The following ENOSF1 variants were observed in gnomAD, a reference collection of about 807,000 sequenced individuals.
The protein encoded by ENOSF1 is mitochondrial enolase superfamily member 1.
In ENOSF1, 73 loss-of-function variants were observed where a neutral mutation model predicts 68.2. The ratio of observed to expected loss-of-function variants is 1.07; its 90% CI spans 0.89 to 1.30. The LOEUF (loss-of-function observed/expected upper bound fraction) is 1.30. Ranked by LOEUF, ENOSF1 falls within the 50% of genes most tolerant of loss-of-function variation. The pLI is 0.00. For synonymous variants in ENOSF1, 223 were observed against 210.4 expected, an observed-to-expected ratio of 1.06 and a Z score of -0.52; for missense variants, 589 against 554.5, an observed-to-expected ratio of 1.06 and a Z score of -0.62.
Position 679,168 on chromosome 18 carries a change from T to C in ENOSF1, c.877-431A>G, listed in dbSNP as rs189390724. Among the ~76,000 whole-genome samples, 115 of 152,056 alleles carry C rather than the reference T, an allele frequency of 7.6e-4. 1 individual carries two copies. The Middle Eastern group carries it at 0.017, about 23-fold the overall frequency. ...CATCACTCCATCAATTCCCTTCTTC[T>C]TGCCTCCCTGAGAAACCTCCTTCTA... On this transcript the variant is annotated intron_variant, in intron 11 of 15. Coordinates refer to ENST00000647584, the MANE Select transcript of ENOSF1 (RefSeq NM_017512.7).
At chr18:708,317 T>C (rs2079154746) in intron 1 of ENOSF1, among the ~76,000 whole-genome samples, 1 of 152,064 alleles carries the variant, frequency 6.6e-6, no homozygotes, top group Non-Finnish European at 1.5e-5. Context: ...GTGTCAGAGC[T>C]GGTGCAGCTT....
chr18:678,706 G>A lies in ENOSF1; in HGVS notation c.908C>T (p.Thr303Ile). 4 of 1,614,126 alleles carry A rather than the reference G, an allele frequency of 2.5e-6. No homozygotes were observed. The highest frequency in any genetic ancestry group is 3.4e-6 in the Non-Finnish European group (4 of 1,180,016). Residue 303 changes from threonine (T) to isoleucine (I), a missense_variant, in exon 12 of 16, where the codon ACA becomes ATA. Transcript: ENST00000647584. Reference sequence around the variant, plus strand: ...GGGGGCGTCACTCACCTGTTCTCCTGTGGCAATGCCAATTCCTAATGGGAC... The same window carrying A: ...GGGGGCGTCACTCACCTGTTCTCCTATGGCAATGCCAATTCCTAATGGGAC... ...ALVPLGIGIA[T>I]GEQCHNRVIF...
At position 675,321 on chromosome 18, in the gene ENOSF1, C is replaced by A; in HGVS notation, c.1230G>T (p.Lys410Asn). The change falls in exon 15 of 16, where the codon AAG becomes AAT. Residue 410 changes from lysine (K) to asparagine (N), a missense_variant and splice_region_variant. By Grantham distance (94) the Lys-to-Asn change is moderately conservative. Transcript: ENST00000647584. ...MIQRASYMPP[K>N]DPGYSTEMKE... ...CAGGGGCCCTCAGGCCACAGCTTAC[C>A]TTGGGAGGCATGTAGGAAGCCCGCT... 6.2e-7 allele frequency: 1 copy of A among 1,610,322 alleles called. No homozygotes were observed.
Position 683,295 on chromosome 18 carries a change from T to G in ENOSF1, c.827A>C (p.Glu276Ala). Reference sequence around the variant, plus strand: ...AATGTCATCAGGGGAGGTTGGCTCCTCAATCCACAATGGCTTGAACTTGGC... The same window carrying G: ...AATGTCATCAGGGGAGGTTGGCTCCGCAATCCACAATGGCTTGAACTTGGC... ...KLAKFKPLWI[E>A]EPTSPDDILG... Residue 276 changes from glutamate to alanine, a missense_variant, in exon 11 of 16, where the codon GAG becomes GCG. Transcript: ENST00000647584. 6.2e-7 allele frequency: 1 copy of G among 1,614,114 alleles called. No homozygotes were observed. Among genetic ancestry groups the G allele is most frequent in the Non-Finnish European group, 8.5e-7 (1 of 1,180,014 alleles).
chr18:705,063 C>T (rs2078791676), intron 2 of ENOSF1, among the ~76,000 whole-genome samples: 1 of 152,142 alleles, frequency 6.6e-6, no homozygotes, highest in South Asian at 2.1e-4. Context: ...AGGAAGGTTC[C>T]CTTGCCATTC....
intron 1 of ENOSF1, among the ~76,000 whole-genome samples, chr18:710,701 G>A (rs1368741364): frequency 1.3e-5 from 2 of 152,182 alleles, no homozygotes; most frequent in Non-Finnish European, 2.9e-5. Flanking sequence ...GGCCTTCTCT[G>A]AGCCAGGCTC....
chr18:683,426 T>C, intron 10 of ENOSF1, 46 bp from the exon 11 acceptor site: 1 of 1,606,512 alleles, frequency 6.2e-7, no homozygotes. Flanking sequence ...TGAGCCAACC[T>C]CACAGCAGGG....
chr18:667,089 T>A (rs201457811), downstream of ENOSF1, among the ~76,000 whole-genome samples: 3 of 50,172 alleles, frequency 6.0e-5, no homozygotes, highest in Non-Finnish European at 6.9e-5. Flanking sequence ...ATGGTGATGG[T>A]GATGGAGATG....
chr18:701,714 G>A (rs1464227970), intron 2 of ENOSF1, among the ~76,000 whole-genome samples: 3 of 148,722 alleles, frequency 2.0e-5, no homozygotes, highest in South Asian at 2.1e-4. Context: ...CTGAGATCGC[G>A]CCACTGTACT....
In ENOSF1 at chr18:670,387, CAG is replaced by C. The variant is rs1456965663; in HGVS notation, c.*3916_*3917del. On this transcript the variant is annotated 3_prime_UTR_variant, in exon 16 of 16. Transcript: ENST00000647584. Reference sequence around the variant, plus strand: ...AGAAGCACCAGTTTCCTGTGGCAAACAGAATTATTCCTGCTGTATTTGTAATC... The same window carrying C: ...AGAAGCACCAGTTTCCTGTGGCAAACAATTATTCCTGCTGTATTTGTAATC... 3.8e-5 allele frequency: 10 copies of C among 261,662 alleles called. No individual in the cohort carries two copies. The highest frequency in any genetic ancestry group is 5.8e-5 in the Non-Finnish European group (8 of 137,460). 16.2% of individuals were successfully genotyped at this position (261,662 alleles called of 1,614,324 possible). A position where few individuals can be genotyped will look rare whatever the true frequency, so the allele number is the denominator to read the frequency against.
chr18:690,250 G>A (rs1454780487), intron 8 of ENOSF1, among the ~76,000 whole-genome samples: 1 of 151,000 alleles, frequency 6.6e-6, no homozygotes, highest in Non-Finnish European at 1.5e-5. Context: ...CCAGTCAGAA[G>A]CACAGGTGAC....
chr18:689,547 G>A (rs2076945407), intron 8 of ENOSF1, among the ~76,000 whole-genome samples: 1 of 152,178 alleles, frequency 6.6e-6, no homozygotes, highest in Non-Finnish European at 1.5e-5. Context: ...CTCCCAAAAT[G>A]CTAGGATTAT....
chr18:694,808 T>TTC (rs145085795), intron 3 of ENOSF1, among the ~76,000 whole-genome samples: 9 of 151,214 alleles, frequency 6.0e-5, no homozygotes, highest in South Asian at 2.1e-4. Flanking sequence ...CCTCTCTTCT[T>TTC]TCTCTCTCTC....
chr18:690,038 G>A (rs2144976534), intron 8 of ENOSF1, among the ~76,000 whole-genome samples: 1 of 152,206 alleles, frequency 6.6e-6, no homozygotes, highest in East Asian at 1.9e-4. Flanking sequence ...TGGGAGTGTG[G>A]CTCACCTGGA....
intron 9 of ENOSF1, 185 bp downstream of exon 9, chr18:688,389 G>A (rs2076830026): frequency 1.6e-6 from 1 of 619,674 alleles, no homozygotes; most frequent in African/African-American, 1.8e-5. Context: ...TTCTAATGAG[G>A]ACTCACATCC....
the ENOSF1 span, among the ~76,000 whole-genome samples, chr18:665,209 C>G: frequency 9.3e-5 from 14 of 150,994 alleles, no homozygotes. Context: ...TGTTATTGGT[C>G]TATTCAGAGA....
intron 3 of ENOSF1, among the ~76,000 whole-genome samples, chr18:695,216 G>A (rs2077595957): frequency 6.6e-6 from 1 of 152,094 alleles, no homozygotes; most frequent in South Asian, 2.1e-4. Flanking sequence ...AAAGAGTACA[G>A]GCCACTTGAT....
intron 2 of ENOSF1, among the ~76,000 whole-genome samples, chr18:701,290 T>C (rs981107616): frequency 1.3e-5 from 2 of 152,122 alleles, no homozygotes; most frequent in Admixed American, 1.3e-4. Flanking sequence ...CTTTGGGTGA[T>C]CATGATGTGC....
chr18:689,137 T>G (rs2076909507), intron 8 of ENOSF1, among the ~76,000 whole-genome samples: 1 of 152,208 alleles, frequency 6.6e-6, no homozygotes, highest in Admixed American at 6.5e-5. Context: ...GGTCTACCGC[T>G]GGTGCTGCCC....
Sources: gnomAD v4.1 joint callset for allele counts (sites outside exome capture counted in the v4.1 genomes callset) on GRCh38, gnomAD v4.1.1 for gene constraint, MANE v1.5 for transcripts, NCBI Gene and HGNC (gene_info 2026-07-23, HGNC 2026-07-21) for gene names.